XKR9: variants seen among roughly 807,000 people sequenced by gnomAD.
XKR9 encodes XK related 9.
In XKR9, 32 loss-of-function variants were observed where a neutral mutation model predicts 32.0. That is an observed-to-expected ratio of 1.00 (90% CI 0.76 to 1.34). The LOEUF (loss-of-function observed/expected upper bound fraction) is 1.34, where lower values mean the gene tolerates loss of function less well. XKR9 is among the 40% of genes most tolerant of loss of function. XKR9 has a pLI of 0.00. For missense variants in XKR9, 546 were observed against 429.7 expected, an observed-to-expected ratio of 1.27 and a Z score of -2.39; for synonymous variants, 168 against 143.4, an observed-to-expected ratio of 1.17 and a Z score of -1.22.
At chr8:70,703,524 T>C (rs1414894612) in intron 3 of XKR9, among the ~76,000 whole-genome samples, 1 of 152,164 alleles carries the variant, frequency 6.6e-6, no homozygotes, top group East Asian at 1.9e-4. Flanking sequence ...ATAAGCACAC[T>C]AATGCCATTC....
chr8:70,689,326 A>G (rs958071449), intron 3 of XKR9, among the ~76,000 whole-genome samples: 1 of 151,838 alleles, frequency 6.6e-6, no homozygotes, highest in Non-Finnish European at 1.5e-5. Flanking sequence ...TAGATTAACA[A>G]AAATCTGAAT....
chr8:70,763,246 C>G (rs1483656766), intron 2 of XKR9, among the ~76,000 whole-genome samples: 1 of 152,262 alleles, frequency 6.6e-6, no homozygotes, highest in Admixed American at 6.5e-5. Context: ...GTGATTCACT[C>G]TACTTCAGAA....
the XKR9 span, among the ~76,000 whole-genome samples, chr8:70,855,557 G>T: frequency 6.6e-6 from 1 of 152,204 alleles, no homozygotes; most frequent in African/African-American, 2.4e-5. Flanking sequence ...CACTCTGCAG[G>T]ATATTATCCA....
chr8:70,816,662 T>A, the XKR9 span, among the ~76,000 whole-genome samples: 1 of 152,154 alleles, frequency 6.6e-6, no homozygotes. Context: ...GTGAACCCTA[T>A]TAGGCTAACA....
the XKR9 span, among the ~76,000 whole-genome samples, chr8:70,854,118 G>A: frequency 6.6e-6 from 1 of 152,138 alleles, no homozygotes; most frequent in Non-Finnish European, 1.5e-5. Context: ...TTCCACAATG[G>A]TTGAACTAGT....
At chr8:70,885,499 A>G in the XKR9 span, among the ~76,000 whole-genome samples, 5 of 151,850 alleles carry the variant, frequency 3.3e-5, no homozygotes, top group African/African-American at 4.8e-5. Context: ...TGCCGCACCT[A>G]TCAATCTGTC....
At chr8:70,932,251 A>G in the XKR9 span, among the ~76,000 whole-genome samples, 2 of 152,114 alleles carry the variant, frequency 1.3e-5, no homozygotes, top group South Asian at 4.1e-4. Flanking sequence ...ATGACAATAT[A>G]AGGCAGAATT....
chr8:71,046,694 T>C, the XKR9 span, among the ~76,000 whole-genome samples: 1 of 152,186 alleles, frequency 6.6e-6, no homozygotes, highest in African/African-American at 2.4e-5. Flanking sequence ...TGCATCCCAT[T>C]GTGGGTAGGA....
the XKR9 span, among the ~76,000 whole-genome samples, chr8:70,854,015 T>C: frequency 9.2e-5 from 14 of 152,008 alleles, no homozygotes; most frequent in Non-Finnish European, 1.9e-4. Context: ...TATAGCAGCA[T>C]GATTTATAAT....
At chr8:70,708,679 C>T (rs1404747965) in intron 4 of XKR9, among the ~76,000 whole-genome samples, 1 of 151,952 alleles carries the variant, frequency 6.6e-6, no homozygotes, top group Admixed American at 6.6e-5. Context: ...TTAAGTGTGT[C>T]TGCTTCTGGG....
chr8:70,890,815 T>C, the XKR9 span, among the ~76,000 whole-genome samples: 2 of 152,020 alleles, frequency 1.3e-5, no homozygotes, highest in Non-Finnish European at 2.9e-5. Context: ...CCTCATAGAA[T>C]GAGCTTAGAA....
chr8:70,764,145 G>A (rs1182811552), intron 2 of XKR9, among the ~76,000 whole-genome samples: 1 of 152,000 alleles, frequency 6.6e-6, no homozygotes, highest in Non-Finnish European at 1.5e-5. Flanking sequence ...CTTTTCTTAG[G>A]GATATGTGGA....
the XKR9 span, among the ~76,000 whole-genome samples, chr8:71,059,387 C>T: frequency 2.6e-5 from 4 of 152,184 alleles, no homozygotes; most frequent in South Asian, 2.1e-4. Flanking sequence ...CATAAACTCC[C>T]GAAGTTATGA....
the XKR9 span, among the ~76,000 whole-genome samples, chr8:70,995,618 T>C: frequency 3.9e-5 from 6 of 152,174 alleles, no homozygotes; most frequent in African/African-American, 1.2e-4. Context: ...ATTGATATGT[T>C]GTTATGGGAA....
At chr8:70,813,987 T>C in the XKR9 span, among the ~76,000 whole-genome samples, 2 of 152,178 alleles carry the variant, frequency 1.3e-5, no homozygotes, top group African/African-American at 4.8e-5. Flanking sequence ...TAAAGACACA[T>C]GCATACGTAT....
chr8:70,883,375 T>C, the XKR9 span, among the ~76,000 whole-genome samples: 1 of 152,138 alleles, frequency 6.6e-6, no homozygotes, highest in African/African-American at 2.4e-5. Flanking sequence ...AATCTACTTG[T>C]TGGTCAATAG....
chr8:70,996,063 T>C, the XKR9 span, among the ~76,000 whole-genome samples: 249 of 152,280 alleles, frequency 1.6e-3, 1 homozygote, highest in Middle Eastern at 3.4e-3. Context: ...AATACTTTTC[T>C]CTCTATCCAT....
downstream of XKR9, among the ~76,000 whole-genome samples, chr8:70,740,078 C>A (rs1806943279): frequency 2.0e-5 from 3 of 152,144 alleles, no homozygotes; most frequent in African/African-American, 7.2e-5. Context: ...AACTTGGTTC[C>A]ATTCTGCCCG....
chr8:70,863,210 G>C, the XKR9 span, among the ~76,000 whole-genome samples: 2 of 152,146 alleles, frequency 1.3e-5, no homozygotes, highest in Non-Finnish European at 2.9e-5. Context: ...AAAAGAAGAA[G>C]AAGAAGGAGC....
Sources: gnomAD v4.1 joint callset for allele counts (sites outside exome capture counted in the v4.1 genomes callset) on GRCh38, gnomAD v4.1.1 for gene constraint, MANE v1.5 for transcripts, NCBI Gene and HGNC (gene_info 2026-07-23, HGNC 2026-07-21) for gene names.